Variants in BMPR1B observed in about 807,000 individuals in gnomAD.
BMPR1B encodes the protein bone morphogenetic protein receptor type 1B, also known as bone morphogenetic protein receptor type-1B.
A neutral mutation model predicts 59.1 loss-of-function variants in BMPR1B; 12 were observed. The ratio of observed to expected loss-of-function variants is 0.20; its 90% CI spans 0.13 to 0.33. The LOEUF (loss-of-function observed/expected upper bound fraction) is 0.33, where lower values mean the gene tolerates loss of function less well. BMPR1B is among the 10% of genes least tolerant of loss of function. The pLI is 1.00. For synonymous variants in BMPR1B, 237 were observed against 207.3 expected, an observed-to-expected ratio of 1.14 and a Z score of -1.23; for missense variants, 550 against 610.9, an observed-to-expected ratio of 0.90 and a Z score of 1.05.
chr4:95,070,055 C>T lies in BMPR1B; in HGVS notation c.-17-34353C>T, dbSNP rs182871768. Among the ~76,000 whole-genome samples, 60 of 152,234 alleles carry T rather than the reference C, an allele frequency of 3.9e-4. No individual in the cohort carries two copies. In the East Asian group the frequency reaches 0.01, roughly 26 times the overall value. On this transcript the variant is annotated intron_variant, in intron 3 of 12. Transcript: ENST00000515059. The stretch of plus-strand genomic sequence containing the variant: ...CAGAGGTTGCCATGAGCCAAGATTG[C>T]GCCATTGCACTCCAGCCTGGGCAAC...
At chr4:95,067,638 A>G (rs146489530) in intron 3 of BMPR1B, among the ~76,000 whole-genome samples, 1 of 152,284 alleles carries the variant, frequency 6.6e-6, no homozygotes, top group Non-Finnish European at 1.5e-5. Flanking sequence ...TGAAAACAAT[A>G]TTTTACCTTT....
At chr4:94,801,943 C>T (rs562004057) in intron 1 of BMPR1B, among the ~76,000 whole-genome samples, 3 of 152,224 alleles carry the variant, frequency 2.0e-5, no homozygotes, top group East Asian at 3.9e-4. Context: ...CACTGTGAGA[C>T]GTTATACTGT....
intron 2 of BMPR1B, among the ~76,000 whole-genome samples, chr4:94,886,933 G>A (rs1727190536): frequency 6.6e-6 from 1 of 152,124 alleles, no homozygotes; most frequent in African/African-American, 2.4e-5. Flanking sequence ...GGGAAGATGG[G>A]ATGAAGATTG....
chr4:94,908,093 A>AAAAGAAAAAG lies in BMPR1B; in HGVS notation c.-113+32196_-113+32197insGAAAAAGAAA, dbSNP rs141218243. Among the ~76,000 whole-genome samples the AAAAGAAAAAG allele has an allele frequency of 3.0e-4, 36 of 118,762 alleles. No individual in the cohort carries two copies. The South Asian group carries it at 3.3e-3, about 11-fold the overall frequency. The allele number at this position is 118,762 out of a possible 152,430, so 77.9% of individuals were successfully genotyped here. ...AAAAAAAAAAAAAAAAAAAAAAAGA[A>AAAAGAAAAAG]AAAACAAAAAAAAGTAAAGGTCTTG... On this transcript the variant is annotated intron_variant, in intron 2 of 12. Transcript: ENST00000515059.
intron 3 of BMPR1B, among the ~76,000 whole-genome samples, chr4:95,093,097 T>C (rs2149250930): frequency 6.6e-6 from 1 of 152,270 alleles, no homozygotes; most frequent in East Asian, 1.9e-4. Context: ...TCATTTTTAA[T>C]TTTTAATCAT....
At chr4:95,103,527 A>G (rs992641727) in intron 3 of BMPR1B, 29 of 973,406 alleles carry the variant, frequency 3.0e-5, no homozygotes, top group Non-Finnish European at 3.4e-5. Flanking sequence ...GGTAATAATT[A>G]ATGCATGCCC....
At chr4:94,800,085 T>C (rs186857898) in intron 1 of BMPR1B, among the ~76,000 whole-genome samples, 6 of 152,334 alleles carry the variant, frequency 3.9e-5, no homozygotes, top group Non-Finnish European at 8.8e-5. Flanking sequence ...AACTACAGGG[T>C]GATCCCCAGT....
At chr4:95,020,872 A>G (rs1007464476) in intron 3 of BMPR1B, among the ~76,000 whole-genome samples, 8 of 151,964 alleles carry the variant, frequency 5.3e-5, no homozygotes, top group Admixed American at 2.6e-4. Flanking sequence ...CATCATAACC[A>G]TCTAATGTTT....
intron 3 of BMPR1B, among the ~76,000 whole-genome samples, chr4:95,102,859 T>C (rs545659101): frequency 2.3e-4 from 35 of 152,108 alleles, no homozygotes; most frequent in African/African-American, 7.9e-4. Context: ...CTAAGTGGAG[T>C]CTACAAGTAA....
intron 2 of BMPR1B, among the ~76,000 whole-genome samples, chr4:94,906,743 A>G (rs2149006676): frequency 6.6e-6 from 1 of 152,190 alleles, no homozygotes; most frequent in African/African-American, 2.4e-5. Flanking sequence ...AGACAATCAT[A>G]TATTTAGGGT....
At chr4:94,950,378 G>C (rs1578839960) in intron 2 of BMPR1B, among the ~76,000 whole-genome samples, 1 of 152,164 alleles carries the variant, frequency 6.6e-6, no homozygotes. Context: ...CCTATGTCCT[G>C]AATGGTATTG....
chr4:95,000,581 G>T (rs1310878762), intron 3 of BMPR1B, among the ~76,000 whole-genome samples: 2 of 151,962 alleles, frequency 1.3e-5, no homozygotes, highest in Non-Finnish European at 2.9e-5. Context: ...AGAGTTTTAG[G>T]TATGGATTTT....
intron 6 of BMPR1B, among the ~76,000 whole-genome samples, chr4:95,119,578 G>T (rs1471994186): frequency 6.6e-6 from 1 of 152,138 alleles, no homozygotes; most frequent in Non-Finnish European, 1.5e-5. Context: ...AATGGCTCCT[G>T]TTGAGCCCTG....
At chr4:95,027,994 A>G (rs1724542849) in intron 3 of BMPR1B, among the ~76,000 whole-genome samples, 1 of 152,270 alleles carries the variant, frequency 6.6e-6, no homozygotes, top group African/African-American at 2.4e-5. Flanking sequence ...TGCAGAGGCA[A>G]TAGAAAGGCA....
At chr4:95,051,969 AT>A (rs1726540155) in intron 3 of BMPR1B, among the ~76,000 whole-genome samples, 1 of 152,216 alleles carries the variant, frequency 6.6e-6, no homozygotes, top group Non-Finnish European at 1.5e-5. Context: ...TGTTAGAATA[AT>A]TTTAAAGAGA....
chr4:94,974,429 A>G (rs1298829196), intron 2 of BMPR1B, among the ~76,000 whole-genome samples: 1 of 152,120 alleles, frequency 6.6e-6, no homozygotes, highest in African/African-American at 2.4e-5. Flanking sequence ...TTGTCAGACT[A>G]GCTTTCAGGA....
At chr4:94,953,443 T>A (rs1006361128) in intron 2 of BMPR1B, among the ~76,000 whole-genome samples, 5 of 152,234 alleles carry the variant, frequency 3.3e-5, no homozygotes, top group South Asian at 2.1e-4. Context: ...GGAGCTCTTG[T>A]AAGGCAGGCC....
chr4:95,017,969 C>G (rs1359279108), intron 3 of BMPR1B, among the ~76,000 whole-genome samples: 1 of 152,108 alleles, frequency 6.6e-6, no homozygotes, highest in Non-Finnish European at 1.5e-5. Context: ...GGGCAAAATT[C>G]CTCTCTAAAG....
chr4:94,981,714 GTT>G (rs1721097356), intron 2 of BMPR1B, among the ~76,000 whole-genome samples: 1 of 152,178 alleles, frequency 6.6e-6, no homozygotes, highest in Non-Finnish European at 1.5e-5. Flanking sequence ...TCTAAGGAAA[GTT>G]ATCCTATGTG....
Sources: allele counts gnomAD v4.1 joint callset (sites outside exome capture counted in the v4.1 genomes callset), GRCh38; gene constraint gnomAD v4.1.1; transcripts MANE v1.5; gene names NCBI Gene and HGNC (gene_info 2026-07-23, HGNC 2026-07-21).